PTPRD: variants seen among roughly 807,000 people sequenced by gnomAD.
The protein encoded by PTPRD is protein tyrosine phosphatase receptor type D, also known as receptor-type tyrosine-protein phosphatase delta.
In PTPRD, 34 loss-of-function variants were observed where a neutral mutation model predicts 214.5. The ratio of observed to expected loss-of-function variants is 0.16; its 90% CI spans 0.12 to 0.21. The LOEUF is 0.21. Ranked by LOEUF, PTPRD falls within the 10% of genes least tolerant of loss-of-function variation. The pLI is 1.00. For synonymous variants in PTPRD, 1,128 were observed against 845.7 expected (o/e 1.33, Z -5.79); for missense variants, 2,545 against 2,398.7 (o/e 1.06, Z -1.27).
intron 3 of PTPRD, among the ~76,000 whole-genome samples, chr9:10,302,014 C>A (rs1290480411): frequency 6.6e-6 from 1 of 152,114 alleles, no homozygotes; most frequent in African/African-American, 2.4e-5. Flanking sequence ...TTAAGGGCAG[C>A]CAGAGGGAAA....
intron 14 of PTPRD, among the ~76,000 whole-genome samples, chr9:8,567,411 G>A (rs1013191776): frequency 6.6e-6 from 1 of 152,082 alleles, no homozygotes; most frequent in African/African-American, 2.4e-5. Context: ...TGTTGTTAAC[G>A]TGTCCTACTC....
chr9:8,836,177 C>T (rs10120626), intron 11 of PTPRD, among the ~76,000 whole-genome samples: 94,885 of 151,896 alleles, frequency 0.62, 29,738 homozygotes, highest in Middle Eastern at 0.7. Context: ...TGGAAAATAA[C>T]AATATAATAT....
At chr9:9,134,812 T>A (rs1181417951) in intron 10 of PTPRD, among the ~76,000 whole-genome samples, 1 of 152,110 alleles carries the variant, frequency 6.6e-6, no homozygotes, top group Non-Finnish European at 1.5e-5. Flanking sequence ...AGTGCGTGTG[T>A]GTGTGTGTGT....
At chr9:10,570,198 T>A (rs543315484) in intron 2 of PTPRD, among the ~76,000 whole-genome samples, 5 of 152,262 alleles carry the variant, frequency 3.3e-5, no homozygotes, top group African/African-American at 1.2e-4. Context: ...TTGCATTTGT[T>A]ATCCATACTC....
chr9:9,338,718 G>A (rs113038520), intron 9 of PTPRD, among the ~76,000 whole-genome samples: 103 of 152,044 alleles, frequency 6.8e-4, no homozygotes, highest in African/African-American at 2.4e-3. Context: ...ATACTTTAAA[G>A]TTTTGGGACA....
At chr9:8,910,396 AT>A (rs2098739037) in intron 11 of PTPRD, among the ~76,000 whole-genome samples, 1 of 152,068 alleles carries the variant, frequency 6.6e-6, no homozygotes, top group Admixed American at 6.6e-5. Flanking sequence ...TTAAGAGGTG[AT>A]TGGGTCATGA....
intron 7 of PTPRD, among the ~76,000 whole-genome samples, chr9:9,691,887 AT>A (rs1332048782): frequency 3.3e-5 from 5 of 152,006 alleles, no homozygotes; most frequent in Non-Finnish European, 5.9e-5. Context: ...GATGTTAAAC[AT>A]TTTTTATATA....
chr9:9,281,965 G>T (rs1212303073), intron 9 of PTPRD, among the ~76,000 whole-genome samples: 1 of 151,254 alleles, frequency 6.6e-6, no homozygotes, highest in African/African-American at 2.4e-5. Flanking sequence ...AAAACATGGA[G>T]AAACCATAAA....
At chr9:9,815,892 G>C (rs1438865071) in intron 5 of PTPRD, among the ~76,000 whole-genome samples, 1 of 152,148 alleles carries the variant, frequency 6.6e-6, no homozygotes, top group Non-Finnish European at 1.5e-5. Context: ...AAGATGCTAA[G>C]TCCAAGATAC....
intron 8 of PTPRD, among the ~76,000 whole-genome samples, chr9:9,445,141 AG>A (rs1569568389): frequency 6.6e-6 from 1 of 152,184 alleles, no homozygotes; most frequent in Non-Finnish European, 1.5e-5. Context: ...CATTGGTATC[AG>A]TTTTAAACTA....
chr9:8,642,769 A>G lies in PTPRD; in HGVS notation c.65-5925T>C, dbSNP rs948054266. 3.3e-5 allele frequency among the ~76,000 whole-genome samples: 5 copies of G among 152,318 alleles called. 1 individual carries two copies. Among genetic ancestry groups the G allele is most frequent in the Admixed American group, 3.3e-4 (5 of 15,308 alleles). On this transcript the variant is annotated intron_variant, in intron 12 of 45. Transcript: ENST00000381196. ...GCACATCCTATTGACACTTTCGCAA[A>G]CATGGGGCATCCAGAGTTTGTGTGG...
At chr9:9,420,142 T>C (rs1053839073) in intron 8 of PTPRD, among the ~76,000 whole-genome samples, 3 of 151,630 alleles carry the variant, frequency 2.0e-5, no homozygotes, top group African/African-American at 7.2e-5. Context: ...TGTTAAAGTT[T>C]ACCCAAAATT....
intron 14 of PTPRD, among the ~76,000 whole-genome samples, chr9:8,585,602 G>C (rs2093586052): frequency 6.6e-6 from 1 of 152,186 alleles, no homozygotes; most frequent in Non-Finnish European, 1.5e-5. Context: ...ACATTGCAAA[G>C]TAGTCCTAAC....
chr9:10,444,534 A>C (rs1182534854), intron 2 of PTPRD, among the ~76,000 whole-genome samples: 2 of 151,876 alleles, frequency 1.3e-5, no homozygotes, highest in East Asian at 3.9e-4. Flanking sequence ...TCCAGCAATC[A>C]AGGAAACACA....
intron 9 of PTPRD, among the ~76,000 whole-genome samples, chr9:9,277,875 A>G (rs574704292): frequency 3.3e-5 from 5 of 151,538 alleles, no homozygotes; most frequent in Admixed American, 1.3e-4. Context: ...AAGAACATAC[A>G]TCTTTCACAA....
intron 2 of PTPRD, chr9:10,532,561 C>T (rs2134766885): frequency 6.8e-6 from 1 of 147,364 alleles, no homozygotes; most frequent in African/African-American, 2.5e-5. Context: ...TGTAAAAGTC[C>T]TATATATATA....
intron 4 of PTPRD, among the ~76,000 whole-genome samples, chr9:9,972,295 A>T (rs1452630102): frequency 6.6e-6 from 1 of 152,194 alleles, no homozygotes; most frequent in Non-Finnish European, 1.5e-5. Context: ...TTCCAGAGTG[A>T]AAACTTGCCC....
chr9:9,836,440 C>T (rs1021219084), intron 5 of PTPRD, among the ~76,000 whole-genome samples: 1 of 152,134 alleles, frequency 6.6e-6, no homozygotes, highest in Non-Finnish European at 1.5e-5. Context: ...GAGATTAATG[C>T]AAACCCTCAA....
intron 6 of PTPRD, among the ~76,000 whole-genome samples, chr9:9,746,318 T>C (rs2098457628): frequency 6.6e-6 from 1 of 152,090 alleles, no homozygotes; most frequent in South Asian, 2.1e-4. Context: ...GATTGGAAAG[T>C]TACTTGTGCC....
Sources: gnomAD v4.1 joint callset for allele counts (sites outside exome capture counted in the v4.1 genomes callset) on GRCh38, gnomAD v4.1.1 for gene constraint, MANE v1.5 for transcripts, NCBI Gene and HGNC (gene_info 2026-07-23, HGNC 2026-07-21) for gene names.